The following STIM2 variants were observed in gnomAD, a reference collection of about 807,000 sequenced individuals.
STIM2 encodes stromal interaction molecule 2.
In STIM2, 31 loss-of-function variants were observed where a neutral mutation model predicts 85.8. That is an observed-to-expected ratio of 0.36 (90% confidence interval 0.27 to 0.49). STIM2 has a LOEUF of 0.49. STIM2 is among the 20% of genes least tolerant of loss of function. The pLI is 0.98. For missense variants in STIM2, 841 were observed against 927.6 expected (o/e 0.91, Z 1.21); for synonymous variants, 356 against 331.1 (o/e 1.08, Z -0.82).
At chr4:26,984,126 A>C (rs1192986603) in intron 3 of STIM2, among the ~76,000 whole-genome samples, 1 of 152,238 alleles carries the variant, frequency 6.6e-6, no homozygotes, top group African/African-American at 2.4e-5. Context: ...TTCTAAAAAG[A>C]ATCAATGAAA....
At chr4:26,939,727 C>T (rs1725527696) in intron 2 of STIM2, among the ~76,000 whole-genome samples, 1 of 151,924 alleles carries the variant, frequency 6.6e-6, no homozygotes. Flanking sequence ...CTTTGGCCTC[C>T]TGAAGGGCTT....
intron 1 of STIM2, among the ~76,000 whole-genome samples, chr4:26,885,768 A>G (rs1405328797): frequency 7.0e-6 from 1 of 143,814 alleles, no homozygotes; most frequent in African/African-American, 2.6e-5. Context: ...CTGAAAATAT[A>G]GCATTCAGTG....
At chr4:26,897,345 T>TG (rs1367840130) in intron 1 of STIM2, among the ~76,000 whole-genome samples, 22 of 151,786 alleles carry the variant, frequency 1.4e-4, no homozygotes, top group African/African-American at 5.3e-4. Context: ...GCTATCTCCT[T>TG]GGGGTCATAA....
chr4:26,960,435 C>T (rs1334707524), intron 3 of STIM2, among the ~76,000 whole-genome samples: 1 of 152,116 alleles, frequency 6.6e-6, no homozygotes, highest in East Asian at 1.9e-4. Flanking sequence ...CAAATATATG[C>T]ATTCATTCTT....
intron 3 of STIM2, among the ~76,000 whole-genome samples, chr4:26,966,797 CTTATAA>C (rs1225272078): frequency 1.3e-5 from 2 of 151,968 alleles, no homozygotes; most frequent in Non-Finnish European, 2.9e-5. Context: ...GTTTTTATAT[CTTATAA>C]TTAAAAACCG....
rs369891102 is a variant in STIM2 at position 26,932,676 on chromosome 4, G to A, written c.282+13042G>A. On this transcript the variant is annotated intron_variant, in intron 2 of 11. Transcript: ENST00000467087. ...AAAATCAAACTTTTGGAATGGCCTG[G>A]GCCTGTAAGTGACCATGGAGAGCCC... 2.6e-4 allele frequency among the ~76,000 whole-genome samples: 39 copies of A among 152,242 alleles called. No homozygotes were observed. The East Asian group carries it at 5.6e-3, about 22-fold the overall frequency.
chr4:26,936,359 G>A (rs896743382), intron 2 of STIM2, among the ~76,000 whole-genome samples: 3 of 152,172 alleles, frequency 2.0e-5, no homozygotes, highest in African/African-American at 7.2e-5. Context: ...TTTGATAAGA[G>A]CTGATCCTCC....
At chr4:26,963,452 G>A (rs67056878) in intron 3 of STIM2, among the ~76,000 whole-genome samples, 29,362 of 77,820 alleles carry the variant, frequency 0.38, 3,767 homozygotes, top group Middle Eastern at 0.47. Context: ...AACTTAAAAC[G>A]TAAGCCTTGC....
chr4:27,002,855 A>T, intron 6 of STIM2, 72 bp from the exon 7 acceptor site: 1 of 1,262,058 alleles, frequency 7.9e-7, no homozygotes, highest in Non-Finnish European at 1.0e-6. Flanking sequence ...TTGACCCAGT[A>T]TTCATTATTT....
At chr4:27,007,901 T>G in intron 8 of STIM2, 1 of 727,006 alleles carries the variant, frequency 1.4e-6, no homozygotes, top group South Asian at 1.6e-5. Context: ...AGTGTATACT[T>G]TTCAAAGTGA....
At chr4:26,955,521 C>T (rs2109091933) in intron 2 of STIM2, among the ~76,000 whole-genome samples, 1 of 148,058 alleles carries the variant, frequency 6.8e-6, no homozygotes, top group East Asian at 1.9e-4. Context: ...AACTTCTGAG[C>T]ATCTCTTTGG....
chr4:27,023,046 TC>T lies in STIM2; in HGVS notation c.*55del. ...TTCAAGTGGCATCTGTAAACTATTA[TC>T]CCCCACCCTCCACTCCCCACCTTTT... On this transcript the variant is annotated 3_prime_UTR_variant, in exon 12 of 12. Transcript: ENST00000467087. The T allele has an allele frequency of 6.5e-7, 1 of 1,527,742 alleles. No homozygotes were observed. The highest frequency in any genetic ancestry group is 8.8e-7 in the Non-Finnish European group (1 of 1,130,560). The allele number at this position is 1,527,742 out of a possible 1,614,324, so 94.6% of individuals were successfully genotyped here.
At chr4:27,014,165 CTGTT>C (rs532335118) in intron 10 of STIM2, among the ~76,000 whole-genome samples, 268 of 151,810 alleles carry the variant, frequency 1.8e-3, no homozygotes, top group Non-Finnish European at 2.7e-3. Context: ...TGTCGAAATC[CTGTT>C]TGTTTTGTTA....
intron 1 of STIM2, among the ~76,000 whole-genome samples, chr4:26,892,591 CT>C (rs1162410814): frequency 2.0e-5 from 3 of 152,096 alleles, no homozygotes; most frequent in Admixed American, 2.0e-4. Context: ...CATTTCTTAC[CT>C]TCTGACATGC....
chr4:26,867,145 C>T (rs556119468), intron 1 of STIM2, among the ~76,000 whole-genome samples: 1 of 151,960 alleles, frequency 6.6e-6, no homozygotes. Context: ...TTTATAAAAT[C>T]GACTTTATTC....
At chr4:26,875,181 G>A (rs187802782) in intron 1 of STIM2, among the ~76,000 whole-genome samples, 8 of 152,022 alleles carry the variant, frequency 5.3e-5, no homozygotes, top group Admixed American at 2.0e-4. Flanking sequence ...TAGTGTAATC[G>A]ACCTAAAATT....
chr4:26,978,247 C>A lies in STIM2; in HGVS notation c.398-17132C>A, dbSNP rs1727269734. On this transcript the variant is annotated intron_variant, in intron 3 of 11. Transcript: ENST00000467087. ...TTTTAATCATATATACATATATACA[C>A]ATATATACATATATATTTAAATCAT... is the stretch of plus-strand genomic sequence containing the variant. Among the ~76,000 whole-genome samples, 4 of 147,124 alleles carry A rather than the reference C, an allele frequency of 2.7e-5. No individual in the cohort carries two copies. The South Asian group carries it at 8.5e-4, about 31-fold the overall frequency.
chr4:26,900,967 A>G (rs956825505), intron 1 of STIM2, among the ~76,000 whole-genome samples: 12 of 152,162 alleles, frequency 7.9e-5, no homozygotes, highest in Non-Finnish European at 1.5e-4. Flanking sequence ...ACCCTTCAAA[A>G]GGCACAGCAC....
In STIM2 at chr4:27,002,247, T is replaced by C; in HGVS notation, c.656T>C (p.Ile219Thr). Reference sequence around the variant, plus strand: ...CCTCATAACTGGATGAAAGATTTTATCCTCACAGTTTCTATAGTAATTGGT... The same window carrying C: ...CCTCATAACTGGATGAAAGATTTTACCCTCACAGTTTCTATAGTAATTGGT... The change falls in exon 6 of 12, where the codon ATC becomes ACC. Residue 219 changes from isoleucine to threonine, a missense_variant. Ile to Thr is a moderately conservative substitution (Grantham distance 89). Transcript: ENST00000467087. 1 of 1,611,074 alleles carries C rather than the reference T, an allele frequency of 6.2e-7. No individual in the cohort carries two copies.
Sources: gnomAD v4.1 joint callset for allele counts (sites outside exome capture counted in the v4.1 genomes callset) on GRCh38, gnomAD v4.1.1 for gene constraint, MANE v1.5 for transcripts, NCBI Gene and HGNC (gene_info 2026-07-23, HGNC 2026-07-21) for gene names.